AOPEP: variants seen among roughly 807,000 people sequenced by gnomAD.
AOPEP encodes the protein aminopeptidase O (putative), also known as aminopeptidase O.
Under a neutral mutation model 98.1 loss-of-function variants are expected in AOPEP, and 77 were observed. The ratio of observed to expected loss-of-function variants is 0.78; its 90% CI spans 0.65 to 0.95. The LOEUF is 0.95. Among genes scored for constraint, AOPEP ranks in the 40% least tolerant of loss-of-function variants. AOPEP has a pLI of 0.00. For missense variants in AOPEP, 1,024 were observed against 1,024.7 expected, an observed-to-expected ratio of 1.00 and a Z score of 0.01; for synonymous variants, 346 against 365.3, an observed-to-expected ratio of 0.95 and a Z score of 0.60.
chr9:94,898,832 A>G (rs902608160), intron 5 of AOPEP, among the ~76,000 whole-genome samples: 2 of 144,020 alleles, frequency 1.4e-5, no homozygotes, highest in African/African-American at 2.6e-5. Context: ...AGTCCCAGCT[A>G]CTCAGGAGGC....
intron 5 of AOPEP, among the ~76,000 whole-genome samples, chr9:94,833,468 C>G (rs371133616): frequency 7.9e-5 from 12 of 151,812 alleles, no homozygotes; most frequent in African/African-American, 2.7e-4. Context: ...AACTCCTGAC[C>G]TCAGGTGATG....
chr9:94,931,654 C>T (rs2055326080), intron 7 of AOPEP: 2 of 1,007,994 alleles, frequency 2.0e-6, no homozygotes, highest in South Asian at 1.4e-5. Flanking sequence ...TTTCAAGATG[C>T]CCCATGGTCT....
chr9:94,899,967 T>C (rs1175183515), intron 5 of AOPEP, among the ~76,000 whole-genome samples: 2 of 152,090 alleles, frequency 1.3e-5, no homozygotes, highest in African/African-American at 2.4e-5. Context: ...CAGCCAAATA[T>C]ATAGATTCAA....
At chr9:95,125,592 T>C in the AOPEP span, among the ~76,000 whole-genome samples, 19 of 152,232 alleles carry the variant, frequency 1.2e-4, no homozygotes, top group Admixed American at 3.3e-4. Flanking sequence ...AATGTGTGTG[T>C]ACCTGGTTTC....
intron 5 of AOPEP, among the ~76,000 whole-genome samples, chr9:94,859,975 T>TTA (rs1258172564): frequency 3.3e-5 from 5 of 152,230 alleles, no homozygotes. Flanking sequence ...TTCAAGGGGC[T>TTA]TATAGTCTGG....
chr9:94,821,684 T>C (rs1342054147), intron 5 of AOPEP, among the ~76,000 whole-genome samples: 3 of 152,192 alleles, frequency 2.0e-5, no homozygotes, highest in Admixed American at 6.5e-5. Context: ...TTCTAGAGCA[T>C]ACCACCCAAA....
intron 5 of AOPEP, among the ~76,000 whole-genome samples, chr9:94,903,722 G>A (rs1002833590): frequency 6.6e-6 from 1 of 151,300 alleles, no homozygotes; most frequent in Non-Finnish European, 1.5e-5. Flanking sequence ...GATTACTTGA[G>A]CCCAGCAGTT....
intron 5 of AOPEP, among the ~76,000 whole-genome samples, chr9:94,826,666 C>T (rs1305603488): frequency 2.0e-5 from 3 of 152,154 alleles, no homozygotes; most frequent in African/African-American, 7.2e-5. Flanking sequence ...CTTTTTCTAG[C>T]AGCTAGGGTC....
intron 5 of AOPEP, among the ~76,000 whole-genome samples, chr9:94,843,591 A>G (rs1212655603): frequency 6.6e-6 from 1 of 152,220 alleles, no homozygotes; most frequent in Non-Finnish European, 1.5e-5. Flanking sequence ...TGGCTTCTTC[A>G]GCCTCCTGGA....
intron 6 of AOPEP, among the ~76,000 whole-genome samples, chr9:94,924,574 T>C (rs1281044532): frequency 1.3e-5 from 2 of 152,228 alleles, no homozygotes; most frequent in Non-Finnish European, 2.9e-5. Context: ...GACTTGTGTG[T>C]GTGCAGTGTA....
chr9:95,132,750 G>A, the AOPEP span, among the ~76,000 whole-genome samples: 1 of 152,284 alleles, frequency 6.6e-6, no homozygotes, highest in African/African-American at 2.4e-5. Flanking sequence ...ATTATTCATG[G>A]TCTTAATGGA....
chr9:94,827,327 A>G (rs1854855304), intron 5 of AOPEP, among the ~76,000 whole-genome samples: 1 of 152,228 alleles, frequency 6.6e-6, no homozygotes, highest in Admixed American at 6.5e-5. Context: ...TTGACTTTAC[A>G]GATGAGGAAA....
intron 3 of AOPEP, among the ~76,000 whole-genome samples, chr9:94,776,540 A>G (rs958854237): frequency 6.6e-6 from 1 of 152,204 alleles, no homozygotes; most frequent in African/African-American, 2.4e-5. Context: ...GAGCTAAGGC[A>G]GTCCACTCGC....
rs2137259236 is a variant in AOPEP, at chr9:94,936,012, A to G, written c.1661+7481A>G. Among the ~76,000 whole-genome samples the G allele has an allele frequency of 2.6e-5, 4 of 152,166 alleles. No individual in the cohort carries two copies. In the Middle Eastern group the frequency reaches 0.01, roughly 388 times the overall value. ...CTGGGAGCCATTGCTAACAACTGCCAATTTCATCTCCTAAGGATTTCCTCA... is the reference window on the plus strand; with the variant it reads ...CTGGGAGCCATTGCTAACAACTGCCGATTTCATCTCCTAAGGATTTCCTCA... On this transcript the variant is annotated intron_variant, in intron 7 of 16. Coordinates refer to ENST00000375315, the MANE Select transcript of AOPEP (RefSeq NM_001193329.3).
rs1004699211 is a variant in AOPEP, at chr9:95,074,449, A to T, written c.2233-6245A>T. Reference sequence around the variant, plus strand: ...AGGAGAAGCTGAAATCTTTGCTGTCATTACCCTGTATTCATGGAGGCTTTG... The same window carrying T: ...AGGAGAAGCTGAAATCTTTGCTGTCTTTACCCTGTATTCATGGAGGCTTTG... On this transcript the variant is annotated intron_variant, in intron 14 of 16. Transcript: ENST00000375315. 4.6e-5 allele frequency among the ~76,000 whole-genome samples: 7 copies of T among 152,152 alleles called. No individual in the cohort carries two copies. In the East Asian group the frequency reaches 1.3e-3, roughly 29 times the overall value.
At chr9:95,140,247 C>T in the AOPEP span, among the ~76,000 whole-genome samples, 1 of 152,072 alleles carries the variant, frequency 6.6e-6, no homozygotes, top group South Asian at 2.1e-4. Context: ...ACAGTGACAG[C>T]GTCTGCCATG....
chr9:94,996,385 T>TGA (rs2061242400), intron 11 of AOPEP, among the ~76,000 whole-genome samples: 1 of 144,708 alleles, frequency 6.9e-6, no homozygotes, highest in South Asian at 2.2e-4. Context: ...TGTGTGTGTG[T>TGA]GTGTGTGAGA....
At chr9:94,989,344 C>T (rs147072458) in intron 11 of AOPEP, among the ~76,000 whole-genome samples, 6,259 of 152,004 alleles carry the variant, frequency 0.041, 434 homozygotes, top group African/African-American at 0.14. Context: ...CCTCGAGATC[C>T]GCCCACCTTG....
intron 9 of AOPEP, among the ~76,000 whole-genome samples, chr9:94,963,616 G>A (rs1225085078): frequency 1.3e-5 from 2 of 151,880 alleles, no homozygotes; most frequent in Non-Finnish European, 2.9e-5. Flanking sequence ...TGGGGAGTGG[G>A]GGTGGGCTTT....
Sources: allele counts gnomAD v4.1 joint callset (sites outside exome capture counted in the v4.1 genomes callset), GRCh38; gene constraint gnomAD v4.1.1; transcripts MANE v1.5; gene names NCBI Gene and HGNC (gene_info 2026-07-23, HGNC 2026-07-21).